The following TNRC6C variants were observed in gnomAD, a reference collection of about 807,000 sequenced individuals.
The protein encoded by TNRC6C is trinucleotide repeat containing adaptor 6C, also known as trinucleotide repeat-containing gene 6C protein.
In TNRC6C, 20 loss-of-function variants were observed where a neutral mutation model predicts 153.7. That is an observed-to-expected ratio of 0.13 (90% CI 0.09 to 0.19). TNRC6C has a LOEUF of 0.19. Ranked by LOEUF, TNRC6C falls within the 10% of genes least tolerant of loss-of-function variation. The probability of loss-of-function intolerance (pLI) is 1.00; values close to 1 mark genes in which losing one functional copy is unlikely to be tolerated. For missense variants in TNRC6C, 1,987 were observed against 2,172.0 expected (o/e 0.91, Z 1.69); for synonymous variants, 811 against 841.4 (o/e 0.96, Z 0.63).
intron 7 of TNRC6C, among the ~76,000 whole-genome samples, chr17:78,074,196 G>T (rs2073046193): frequency 6.6e-6 from 1 of 152,138 alleles, no homozygotes; most frequent in Non-Finnish European, 1.5e-5. Context: ...ACTACAGAAA[G>T]CACAGAAATA....
chr17:78,013,641 A>G (rs2071675608), intron 1 of TNRC6C, among the ~76,000 whole-genome samples: 1 of 152,158 alleles, frequency 6.6e-6, no homozygotes, highest in Non-Finnish European at 1.5e-5. Context: ...TATCCTTACT[A>G]ACTGGGATGG....
chr17:78,064,416 G>A (rs2072831554), intron 3 of TNRC6C, among the ~76,000 whole-genome samples: 1 of 152,134 alleles, frequency 6.6e-6, no homozygotes, highest in Non-Finnish European at 1.5e-5. Flanking sequence ...AACAAGCCAT[G>A]TGCAGTGACA....
intron 2 of TNRC6C, among the ~76,000 whole-genome samples, chr17:78,042,552 G>C (rs562476350): frequency 6.7e-6 from 1 of 150,238 alleles, no homozygotes; most frequent in Admixed American, 6.6e-5. Flanking sequence ...CTTAAAATTC[G>C]GTCATTTCAC....
upstream of TNRC6C, among the ~76,000 whole-genome samples, chr17:77,999,366 A>G (rs76291957): frequency 8.7e-3 from 1,324 of 152,286 alleles, 19 homozygotes; most frequent in African/African-American, 0.03. Flanking sequence ...GAAATGAGAA[A>G]GTCACCCCCA....
At chr17:77,965,023 A>G (rs1434121272) in intron 1 of TNRC6C, among the ~76,000 whole-genome samples, 1 of 152,194 alleles carries the variant, frequency 6.6e-6, no homozygotes, top group Non-Finnish European at 1.5e-5. Flanking sequence ...TCCTTAGGTA[A>G]CCAGATCTCC....
chr17:78,034,164 C>T (rs1185664346), intron 2 of TNRC6C, among the ~76,000 whole-genome samples: 1 of 152,118 alleles, frequency 6.6e-6, no homozygotes, highest in African/African-American at 2.4e-5. Flanking sequence ...AGTGATTCTC[C>T]TGCCTGCCTC....
In TNRC6C at chr17:78,075,221, C is replaced by T. The variant is rs761712648; in HGVS notation, c.3003C>T (p.Gly1001=). The T allele has an allele frequency of 2.5e-6, 4 of 1,592,262 alleles. No individual in the cohort carries two copies. The highest frequency in any genetic ancestry group is 3.4e-6 in the Non-Finnish European group (4 of 1,170,250). The change falls in exon 8 of 20, where the codon GGC becomes GGT. Residue 1001 remains glycine, a synonymous_variant. Coordinates refer to ENST00000301624, the Ensembl canonical transcript of TNRC6C. The surrounding 1 kb of genome is among the most constrained non-coding windows in gnomAD (Gnocchi z 4.2). ...ATGGAATGGCCGCCAAGCCCCTCGG[C>T]TGCCGCCCGCCAATCTCCAAAGAGT... is the stretch of plus-strand genomic sequence containing the variant.
intron 17 of TNRC6C, 77 bp downstream of exon 20, chr17:78,098,614 C>G: frequency 6.8e-7 from 1 of 1,467,870 alleles, no homozygotes; most frequent in African/African-American, 1.4e-5. Flanking sequence ...TCCTGTACCT[C>G]CTTTGTAAGG....
At chr17:78,043,196 C>T (rs2072335429) in intron 2 of TNRC6C, among the ~76,000 whole-genome samples, 1 of 152,184 alleles carries the variant, frequency 6.6e-6, no homozygotes, top group South Asian at 2.1e-4. Flanking sequence ...ATGTCAGCAG[C>T]TGCAGCCTGA....
intron 1 of TNRC6C, among the ~76,000 whole-genome samples, chr17:78,021,199 A>G (rs1250599031): frequency 6.6e-6 from 1 of 152,382 alleles, no homozygotes; most frequent in East Asian, 1.9e-4. Context: ...TAGCACAGAA[A>G]TGATGGTCAG....
At chr17:78,106,604 A>C (rs1247704196) in exon 20 of TNRC6C, 1 of 151,976 alleles carries the variant, frequency 6.6e-6, no homozygotes, top group Non-Finnish European at 1.5e-5. Context: ...AAAAATACCT[A>C]ATCTCTAATG....
At chr17:78,029,655 T>G (rs922074014) in intron 1 of TNRC6C, among the ~76,000 whole-genome samples, 17 of 152,232 alleles carry the variant, frequency 1.1e-4, no homozygotes, top group African/African-American at 4.1e-4. Context: ...TTTTAATTTT[T>G]TTAAGAGTTT....
chr17:78,093,982 CTTT>C (rs11313921), intron 16 of TNRC6C, among the ~76,000 whole-genome samples: 12 of 141,308 alleles, frequency 8.5e-5, no homozygotes, highest in Admixed American at 7.1e-5. Flanking sequence ...ATTATTATTA[CTTT>C]TTTTTTTTTT....
chr17:78,054,788 A>G (rs1343513763), intron 3 of TNRC6C, among the ~76,000 whole-genome samples: 3 of 152,102 alleles, frequency 2.0e-5, no homozygotes, highest in Non-Finnish European at 4.4e-5. Context: ...ATTACTGCAG[A>G]CTACTGTACA....
upstream of TNRC6C, among the ~76,000 whole-genome samples, chr17:77,957,965 G>A (rs559127055): frequency 6.6e-6 from 1 of 152,330 alleles, no homozygotes; most frequent in Non-Finnish European, 1.5e-5. Flanking sequence ...TGTCTCCCCG[G>A]GGGACTGTTT....
chr17:78,092,688 C>G (rs775908969), intron 14 of TNRC6C, among the ~76,000 whole-genome samples: 10 of 152,032 alleles, frequency 6.6e-5, no homozygotes, highest in Non-Finnish European at 1.0e-4. Flanking sequence ...GAGCCCTGAT[C>G]ACATCACTAC....
intron 1 of TNRC6C, among the ~76,000 whole-genome samples, chr17:77,960,018 T>C (rs755602445): frequency 4.6e-5 from 7 of 152,056 alleles, no homozygotes; most frequent in Non-Finnish European, 1.0e-4. Context: ...GCTTTGGGGA[T>C]CTTAGCAAAA....
At chr17:78,086,429 T>C in intron 11 of TNRC6C, 74 bp from the exon 14 acceptor site, 1 of 1,352,956 alleles carries the variant, frequency 7.4e-7, no homozygotes, top group Admixed American at 2.0e-5. Context: ...TTTTAACTAA[T>C]GTCAGAAAGT....
chr17:78,055,676 C>T (rs1308738960), intron 3 of TNRC6C, among the ~76,000 whole-genome samples: 2 of 152,300 alleles, frequency 1.3e-5, no homozygotes. Flanking sequence ...ATTTGAATGC[C>T]AACTCCTGGA....
Sources: gnomAD v4.1 joint callset for allele counts (sites outside exome capture counted in the v4.1 genomes callset) on GRCh38, gnomAD v4.1.1 for gene constraint, Gnocchi (gnomAD v3.1) non-coding constraint, MANE v1.5 for transcripts, NCBI Gene and HGNC (gene_info 2026-07-23, HGNC 2026-07-21) for gene names.